DNAH17: variants seen among roughly 807,000 people sequenced by gnomAD.
DNAH17 encodes dynein axonemal heavy chain 17.
A neutral mutation model predicts 485.6 loss-of-function variants in DNAH17; 376 were observed. That is an observed-to-expected ratio of 0.77 (90% CI 0.71 to 0.84). The LOEUF (loss-of-function observed/expected upper bound fraction) is 0.84. Ranked by LOEUF, DNAH17 falls within the 40% of genes least tolerant of loss-of-function variation. DNAH17 has a pLI of 0.00. For missense variants in DNAH17, 6,370 were observed against 5,839.3 expected, an observed-to-expected ratio of 1.09 and a Z score of -2.96; for synonymous variants, 3,031 against 2,405.9, an observed-to-expected ratio of 1.26 and a Z score of -7.60.
Position 78,514,808 on chromosome 17 carries a change from T to G in DNAH17, c.4079A>C (p.Glu1360Ala). ...VSELQNPAIR[E>A]RHWQQLMQAT... ...CTGCATGAGCTGCTGCCAGTGGCGTTCCCGAATGGCAGGGTTCTGCAGCTC... is the reference window on the plus strand; with the variant it reads ...CTGCATGAGCTGCTGCCAGTGGCGTGCCCGAATGGCAGGGTTCTGCAGCTC... The change falls in exon 26 of 81, where the codon GAA becomes GCA. Residue 1360 changes from glutamate (E) to alanine (A), a missense_variant. Coordinates refer to ENST00000389840, the MANE Select transcript of DNAH17 (RefSeq NM_173628.4). 1 of 1,613,980 alleles carries G rather than the reference T, an allele frequency of 6.2e-7. No individual in the cohort carries two copies. The highest frequency in any genetic ancestry group is 8.5e-7 in the Non-Finnish European group (1 of 1,179,884).
chr17:78,424,509 G>A (rs542645581), intron 80 of DNAH17: 2 of 273,488 alleles, frequency 7.3e-6, no homozygotes, highest in Non-Finnish European at 1.4e-5. Flanking sequence ...AATGTGTAAT[G>A]TCTGCCCTAT....
At chr17:78,440,938 C>T (rs781480742) in intron 72 of DNAH17, 113 bp downstream of exon 72, 93 of 1,310,436 alleles carry the variant, frequency 7.1e-5, no homozygotes, top group Admixed American at 3.1e-4. Context: ...GGCGTGAAGC[C>T]GCGTCTTGGG....
intron 74 of DNAH17, 59 bp from the exon 75 acceptor site, chr17:78,434,279 C>T: frequency 6.6e-7 from 1 of 1,517,348 alleles, no homozygotes; most frequent in Non-Finnish European, 8.9e-7. Flanking sequence ...CACAGAAATG[C>T]CCCTGAGGGT....
rs540047501 is a variant in DNAH17 at position 78,569,222 on chromosome 17, A to C, written c.1228T>G (p.Ser410Ala). 6.2e-7 allele frequency: 1 copy of C among 1,609,478 alleles called. No homozygotes were observed. Among genetic ancestry groups the C allele is most frequent in the African/African-American group, 1.3e-5 (1 of 74,988 alleles). ...TTTATCCTGGAAAAGGCAAGAGAAG[A>C]AGGGAATTCCCAAGGCACGGGCTCT... ...DKEPVPWEFP[S>A]SLAFSRINSF... Residue 410 changes from serine (S) to alanine (A), a missense_variant, in exon 9 of 81, where the codon TCT becomes GCT. Coordinates refer to ENST00000389840, the MANE Select transcript of DNAH17 (RefSeq NM_173628.4).
At chr17:78,569,573 T>C in intron 7 of DNAH17, 46 bp from the exon 8 acceptor site, 1 of 1,572,040 alleles carries the variant, frequency 6.4e-7, no homozygotes, top group Non-Finnish European at 8.6e-7. Flanking sequence ...ACAAGCCATT[T>C]GGGGTGACGT....
intron 44 of DNAH17, among the ~76,000 whole-genome samples, chr17:78,486,717 G>A (rs961751454): frequency 6.6e-6 from 1 of 152,218 alleles, no homozygotes; most frequent in Non-Finnish European, 1.5e-5. Context: ...AGGGTCGTGG[G>A]GGCTGTGCCC....
intron 48 of DNAH17, among the ~76,000 whole-genome samples, chr17:78,484,429 G>A (rs1385397884): frequency 6.6e-6 from 1 of 152,080 alleles, no homozygotes; most frequent in Non-Finnish European, 1.5e-5. Context: ...CATCTCCCCA[G>A]GGGCATCTCT....
At chr17:78,526,042 ACTGGGCCCCAAGAGGCCCCCCTGGGCC>A (rs1241673441) in intron 24 of DNAH17, among the ~76,000 whole-genome samples, 1 of 152,218 alleles carries the variant, frequency 6.6e-6, no homozygotes, top group Admixed American at 6.5e-5. Flanking sequence ...CAAGGGCCCC[ACTGGGCCCCAAGAGGCCCCCCTGGGCC>A]CTGAGCACCC....
At chr17:78,485,882 G>A (rs532544180) in intron 46 of DNAH17, 78 bp downstream of exon 46, 63 of 1,573,844 alleles carry the variant, frequency 4.0e-5, no homozygotes, top group Middle Eastern at 1.7e-4. Flanking sequence ...TGGACATTCC[G>A]TGCAGGCGTG....
In DNAH17 at chr17:78,571,381, G is replaced by A. The variant is rs1242251148; in HGVS notation, c.733-3C>T. ...TTGTTCACTTTGGGTCTGTTTAGCT[G>A]AGAAGGGGAGTGAAGATCCACCTTT... is the stretch of plus-strand genomic sequence containing the variant. On this transcript the variant is annotated splice_region_variant and splice_polypyrimidine_tract_variant and intron_variant, in intron 4 of 80. Transcript: ENST00000389840. The A allele has an allele frequency of 1.2e-6, 2 of 1,609,708 alleles. No individual in the cohort carries two copies. Among genetic ancestry groups the A allele is most frequent in the Non-Finnish European group, 1.7e-6 (2 of 1,176,320 alleles).
At position 78,569,424 on chromosome 17, in the gene DNAH17, A is replaced by C; in HGVS notation, c.1148T>G (p.Leu383Arg). The C allele has an allele frequency of 1.2e-6, 2 of 1,612,718 alleles. No homozygotes were observed. Among genetic ancestry groups the C allele is most frequent in the Non-Finnish European group, 8.5e-7 (1 of 1,179,328 alleles). Residue 383 changes from leucine to arginine, a missense_variant, in exon 8 of 81, where the codon CTC becomes CGC. Transcript: ENST00000389840. ...ISLAVNVLKELYQTYDFCCVN... is the reference protein window; with the variant it reads ...ISLAVNVLKERYQTYDFCCVN... ...GCAGCAGAAGTCGTACGTCTGGTAGAGCTCCTTCAGCACATTTACAGCCAG... is the reference window on the plus strand; with the variant it reads ...GCAGCAGAAGTCGTACGTCTGGTAGCGCTCCTTCAGCACATTTACAGCCAG...
At chr17:78,546,492 A>G (rs1304114515) in intron 16 of DNAH17, among the ~76,000 whole-genome samples, 7 of 152,200 alleles carry the variant, frequency 4.6e-5, no homozygotes, top group Non-Finnish European at 1.0e-4. Context: ...TGCTTTAAAA[A>G]CTATAGCTTA....
intron 4 of DNAH17, 88 bp downstream of exon 4, chr17:78,571,502 T>TGGGAGGTTGGCACTGGGAGGCG (rs2092357031): frequency 2.6e-6 from 4 of 1,530,986 alleles, no homozygotes; most frequent in African/African-American, 2.7e-5. Context: ...TCAGGACTCC[T>TGGGAGGTTGGCACTGGGAGGCG]GGGAGGTTGG....
intron 14 of DNAH17, among the ~76,000 whole-genome samples, chr17:78,553,942 T>G (rs902606038): frequency 5.9e-5 from 9 of 152,182 alleles, no homozygotes; most frequent in Admixed American, 5.9e-4. Flanking sequence ...ACCCTTTCCC[T>G]GGTCAATCTA....
At chr17:78,433,425 C>T (rs573475265) in intron 75 of DNAH17, among the ~76,000 whole-genome samples, 1 of 152,358 alleles carries the variant, frequency 6.6e-6, no homozygotes, top group Non-Finnish European at 1.5e-5. Flanking sequence ...TTGCTCTGTG[C>T]CCCGACCTGT....
At chr17:78,571,057 C>T (rs1472079286) in intron 5 of DNAH17, 24 bp from the exon 6 acceptor site, 2 of 1,554,672 alleles carry the variant, frequency 1.3e-6, no homozygotes, top group African/African-American at 2.7e-5. Flanking sequence ...GAACAAGTGC[C>T]CACCGGTAAG....
chr17:78,516,653 G>A (rs2090789495), intron 25 of DNAH17, among the ~76,000 whole-genome samples: 2 of 141,072 alleles, frequency 1.4e-5, no homozygotes, highest in Middle Eastern at 4.0e-3. Flanking sequence ...TCACATCACT[G>A]CACTCCAGCC....
chr17:78,486,639 G>A, intron 44 of DNAH17, 133 bp from the exon 45 acceptor site: 2 of 1,169,208 alleles, frequency 1.7e-6, no homozygotes, highest in Non-Finnish European at 2.3e-6. Context: ...TGCCTGCATG[G>A]CAATGGGTCC....
At chr17:78,484,590 G>A (rs1036838500) in intron 48 of DNAH17, among the ~76,000 whole-genome samples, 4 of 152,110 alleles carry the variant, frequency 2.6e-5, no homozygotes, top group African/African-American at 9.7e-5. Flanking sequence ...CCTCCGCGGG[G>A]GCTCTAGGCC....
Sources: allele counts gnomAD v4.1 joint callset (sites outside exome capture counted in the v4.1 genomes callset), GRCh38; gene constraint gnomAD v4.1.1; transcripts MANE v1.5; gene names NCBI Gene and HGNC (gene_info 2026-07-23, HGNC 2026-07-21).